MOB2: variants seen among roughly 807,000 people sequenced by gnomAD.
MOB2 encodes MOB kinase activator 2, also known as MOB2 Mps One Binder homolog.
A neutral mutation model predicts 27.4 loss-of-function variants in MOB2; 14 were observed. The observed-to-expected ratio is 0.51, with a 90% confidence interval of 0.34 to 0.80. MOB2 has a LOEUF of 0.80. Among genes scored for constraint, MOB2 ranks in the 30% least tolerant of loss-of-function variants. The pLI is 0.01. For missense variants in MOB2, 304 were observed against 354.6 expected (o/e 0.86, Z 1.15); for synonymous variants, 167 against 151.8 (o/e 1.10, Z -0.74).
rs74444795 is a variant in MOB2, at chr11:1,485,627, C to T, written c.110+820G>A. Among the ~76,000 whole-genome samples, 14 of 152,282 alleles carry T rather than the reference C, an allele frequency of 9.2e-5. No individual in the cohort carries two copies. In the East Asian group the frequency reaches 2.5e-3, roughly 27 times the overall value. On this transcript the variant is annotated intron_variant, in intron 1 of 4. Transcript: ENST00000329957. ...GAGGGCACGTCCAGCAGGCCACGCT[C>T]GCCTCACACCCCCACCAGGCAACCC...
chr11:1,470,337 G>T lies in MOB2; in HGVS notation c.642C>A (p.Ile214=). Residue 214 remains isoleucine, a synonymous_variant, in exon 5 of 5, where the codon ATC becomes ATA. Transcript: ENST00000329957. ...GHLNTLYVHF[I]LFAREFNLLD... ...GCAGGTTGAACTCCCGAGCAAAGAG[G>T]ATGAAGTGGACGTAGAGCGTGTTCA... The T allele has an allele frequency of 6.2e-7, 1 of 1,613,612 alleles. No homozygotes were observed. The highest frequency in any genetic ancestry group is 1.1e-5 in the South Asian group (1 of 91,090).
intron 3 of MOB2, 118 bp downstream of exon 3, chr11:1,480,275 C>G: frequency 1.1e-6 from 1 of 946,650 alleles, no homozygotes; most frequent in South Asian, 1.6e-5. Flanking sequence ...TGTGCCAAGA[C>G]TTCTCAGGGT....
chr11:1,480,731 T>C lies in MOB2; in HGVS notation c.265A>G (p.Ser89Gly). The C allele has an allele frequency of 6.2e-7, 1 of 1,603,668 alleles. No individual in the cohort carries two copies. The highest frequency in any genetic ancestry group is 8.5e-7 in the Non-Finnish European group (1 of 1,176,098). Residue 89 changes from serine to glycine, a missense_variant, in exon 2 of 5, where the codon AGC (serine) becomes GGC (glycine). Transcript: ENST00000329957. ...REIDLNEWLASNTTTFFHHIN... is the reference protein window; with the variant it reads ...REIDLNEWLAGNTTTFFHHIN... The stretch of plus-strand genomic sequence containing the variant: ...CCCCCAGGCCCCCGCGCACTGTTGC[T>C]GGCCAGCCACTCGTTAAGGTCAATC...
chr11:1,486,542 G>A lies in MOB2; in HGVS notation c.15C>T (p.His5=). The change falls in exon 1 of 5, where the codon CAC becomes CAT. Residue 5 remains histidine, a synonymous_variant. Transcript: ENST00000329957. MLGD[H]CSLPEDQARP... ...GGGCTTGGTCTTCAGGGAGACTGCA[G>A]TGGTCTCCCAGCATGAGTGGGCGAC... 2.6e-6 allele frequency: 4 copies of A among 1,535,630 alleles called. No individual in the cohort carries two copies. Among genetic ancestry groups the A allele is most frequent in the Non-Finnish European group, 3.5e-6 (4 of 1,146,660 alleles).
chr11:1,480,696 AG>A, intron 2 of MOB2, 28 bp downstream of exon 2: 1 of 1,591,806 alleles, frequency 6.3e-7, no homozygotes, highest in Non-Finnish European at 8.5e-7. Flanking sequence ...GGGAGGAGGG[AG>A]GGGGCCCGCC....
In MOB2 at chr11:1,469,888, C is replaced by T; in HGVS notation, c.*284G>A. On this transcript the variant is annotated 3_prime_UTR_variant, in exon 5 of 5. Transcript: ENST00000329957. ...CACGGAGACCAGAGAAAGGAAAACC[C>T]CACAGAAGAAAACTCAAAGCATCAG... The T allele has an allele frequency of 1.4e-6, 1 of 733,128 alleles. No individual in the cohort carries two copies. Among genetic ancestry groups the T allele is most frequent in the Non-Finnish European group, 2.4e-6 (1 of 422,590 alleles). 45.4% of individuals were successfully genotyped at this position (733,128 alleles called of 1,614,324 possible). A position where few individuals can be genotyped will look rare whatever the true frequency, so the allele number is the denominator to read the frequency against.
rs565130082 is a variant in MOB2, at chr11:1,470,326, C to T, written c.653G>A (p.Arg218Gln). ...TLYVHFILFAREFNLLDPKET... is the reference protein window; with the variant it reads ...TLYVHFILFAQEFNLLDPKET... ...TTTGGGGTCCAGCAGGTTGAACTCC[C>T]GAGCAAAGAGGATGAAGTGGACGTA... Residue 218 changes from arginine (R) to glutamine (Q), a missense_variant, in exon 5 of 5, where the codon CGG (arginine) becomes CAG (glutamine). By Grantham distance (43) the Arg-to-Gln change is conservative. Coordinates refer to ENST00000329957, the MANE Select transcript of MOB2 (RefSeq NM_001172223.3). The T allele has an allele frequency of 3.7e-5, 60 of 1,613,512 alleles. No individual in the cohort carries two copies. In the East Asian group the frequency reaches 8.0e-4, roughly 22 times the overall value.
chr11:1,470,225 C>T lies in MOB2; in HGVS notation c.754G>A (p.Asp252Asn), dbSNP rs972755891. The T allele has an allele frequency of 1.9e-6, 3 of 1,612,342 alleles. No homozygotes were observed. Among genetic ancestry groups the T allele is most frequent in the Non-Finnish European group, 2.5e-6 (3 of 1,179,770 alleles). The part of the protein sequence containing the change: ...AGGVHSGGSG[D>N]GAGSGGPGAQ... ...CCCGGGCCCCCGCTGCCGGCCCCAT[C>T]CCCACTGCCCCCACTGTGGACCCCG... Residue 252 changes from aspartate to asparagine, a missense_variant, in exon 5 of 5, where the codon GAT (aspartate) becomes AAT (asparagine). Asp to Asn is a conservative substitution (Grantham distance 23). Transcript: ENST00000329957.
intron 1 of MOB2, among the ~76,000 whole-genome samples, 184 bp downstream of exon 1, chr11:1,486,263 C>T (rs577820660): frequency 1.1e-4 from 17 of 152,354 alleles, no homozygotes; most frequent in East Asian, 1.9e-4. Flanking sequence ...ACTGCACAGC[C>T]GCCTCTGCCC....
chr11:1,471,536 A>C (rs1267937455), intron 3 of MOB2, 117 bp from the exon 4 acceptor site: 3 of 1,334,414 alleles, frequency 2.2e-6, no homozygotes, highest in East Asian at 4.7e-5. Context: ...GAGGTGTGGC[A>C]GACCCAGGTG....
chr11:1,473,473 C>T (rs1847818824), intron 3 of MOB2: 1 of 152,320 alleles, frequency 6.6e-6, no homozygotes, highest in Non-Finnish European at 1.5e-5. Flanking sequence ...CCCATGTTTC[C>T]AGGGCGAGGA....
intron 3 of MOB2, among the ~76,000 whole-genome samples, chr11:1,473,907 C>A (rs545434862): frequency 1.3e-5 from 2 of 152,264 alleles, no homozygotes; most frequent in African/African-American, 4.8e-5. Context: ...TCGCACCGCG[C>A]GGATCCTCCC....
intron 1 of MOB2, among the ~76,000 whole-genome samples, chr11:1,482,838 G>A (rs1847929538): frequency 6.6e-6 from 1 of 152,218 alleles, no homozygotes. Context: ...CACCAACAGA[G>A]GGACTTCCAT....
rs748991092 is a variant in MOB2, at chr11:1,470,067, ACCT to A, written c.*102_*104del. On this transcript the variant is annotated 3_prime_UTR_variant, in exon 5 of 5. Coordinates refer to ENST00000329957, the MANE Select transcript of MOB2 (RefSeq NM_001172223.3). ...CCAGTGCAGCCCGGGGCCCTCTCAG[ACCT>A]CACCACACGCGTGCCCAGCACATGT... The A allele has an allele frequency of 1.3e-6, 2 of 1,539,790 alleles. No homozygotes were observed. Among genetic ancestry groups the A allele is most frequent in the South Asian group, 2.4e-5 (2 of 83,772 alleles).
chr11:1,484,091 C>T (rs938997245), intron 1 of MOB2, among the ~76,000 whole-genome samples: 1 of 152,172 alleles, frequency 6.6e-6, no homozygotes, highest in South Asian at 2.1e-4. Flanking sequence ...GGATGGAATC[C>T]TGGCCAGGCC....
At chr11:1,481,707 G>GGCAGGA (rs1252431433) in intron 1 of MOB2, 1 of 85,252 alleles carries the variant, frequency 1.2e-5, no homozygotes, top group Admixed American at 1.0e-4. Context: ...AGGGAGCAGG[G>GGCAGGA]GCAGGAGCAG....
intron 3 of MOB2, chr11:1,471,906 G>C (rs937180113): frequency 1.3e-5 from 2 of 153,622 alleles, no homozygotes; most frequent in African/African-American, 4.8e-5. Flanking sequence ...CCTCTCCGGG[G>C]AAAGCAGAGG....
intron 3 of MOB2, among the ~76,000 whole-genome samples, chr11:1,477,372 C>CA (rs1340728834): frequency 6.6e-6 from 1 of 152,200 alleles, no homozygotes; most frequent in African/African-American, 2.4e-5. Flanking sequence ...GGTGTTTTCT[C>CA]AGCACATCTT....
At position 1,469,684 on chromosome 11, in the gene MOB2, G is replaced by A. The variant is rs995466307; in HGVS notation, c.*488C>T. 7 of 457,764 alleles carry A rather than the reference G, an allele frequency of 1.5e-5. No individual in the cohort carries two copies. The highest frequency in any genetic ancestry group is 3.1e-5 in the Non-Finnish European group (7 of 227,914). 28.4% of individuals were successfully genotyped at this position (457,764 alleles called of 1,614,324 possible). A position where few individuals can be genotyped will look rare whatever the true frequency, so the allele number is the denominator to read the frequency against. Reference sequence around the variant, plus strand: ...CACCACAGGCCTCCCCCACCTCTGAGCTGCCAACAGCCAAGACTCCTGGCG... The same window carrying A: ...CACCACAGGCCTCCCCCACCTCTGAACTGCCAACAGCCAAGACTCCTGGCG... On this transcript the variant is annotated 3_prime_UTR_variant, in exon 5 of 5. Transcript: ENST00000329957.
Sources: allele counts gnomAD v4.1 joint callset (sites outside exome capture counted in the v4.1 genomes callset), GRCh38; gene constraint gnomAD v4.1.1; transcripts MANE v1.5; gene names NCBI Gene and HGNC (gene_info 2026-07-23, HGNC 2026-07-21).